FBN3: variants seen among roughly 807,000 people sequenced by gnomAD.
FBN3 encodes the protein fibrillin-3.
FBN3 carries 234 observed loss-of-function variants against 330.1 expected under a neutral mutation model. That is an observed-to-expected ratio of 0.71 (90% CI 0.64 to 0.79). FBN3 has a LOEUF of 0.79. Ranked by LOEUF, FBN3 falls within the 30% of genes least tolerant of loss-of-function variation. The probability of loss-of-function intolerance (pLI) is 0.00; values close to 1 mark genes in which losing one functional copy is unlikely to be tolerated. For missense variants in FBN3, 3,606 were observed against 3,886.9 expected, an observed-to-expected ratio of 0.93 and a Z score of 1.92; for synonymous variants, 1,458 against 1,517.3, an observed-to-expected ratio of 0.96 and a Z score of 0.91.
Position 8,075,205 on chromosome 19 carries a change from G to A in FBN3, c.7583-15C>T, listed in dbSNP as rs922967358. 6.4e-7 allele frequency: 1 copy of A among 1,569,266 alleles called. No homozygotes were observed. The highest frequency in any genetic ancestry group is 2.3e-5 in the East Asian group (1 of 44,170). On this transcript the variant is annotated splice_polypyrimidine_tract_variant and intron_variant, in intron 60 of 63. Coordinates refer to ENST00000600128, the MANE Select transcript of FBN3 (RefSeq NM_032447.5). ...TTCATTCACATCTGAGACATAGAGA[G>A]AGGGAGAGAGGGTTTACCAGACGGC...
intron 48 of FBN3, 66 bp from the exon 49 acceptor site, chr19:8,090,317 C>T: frequency 6.3e-7 from 1 of 1,575,972 alleles, no homozygotes; most frequent in Non-Finnish European, 8.7e-7. Context: ...CCCCTGTGAC[C>T]TCCCGCACCC....
chr19:8,117,446 AG>A lies in FBN3; in HGVS notation c.3463+17del. On this transcript the variant is annotated intron_variant, in intron 27 of 63. Transcript: ENST00000600128. ...CTGTGGTTGGTGCCCAGGGGCCAGCAGGTGGGCACAGTCTCACCCACGCAGC... is the reference window on the plus strand; with the variant it reads ...CTGTGGTTGGTGCCCAGGGGCCAGCAGTGGGCACAGTCTCACCCACGCAGC... The A allele has an allele frequency of 6.4e-7, 1 of 1,560,156 alleles. No homozygotes were observed. The highest frequency in any genetic ancestry group is 1.2e-5 in the South Asian group (1 of 84,570).
Position 8,119,038 on chromosome 19 carries a change from GA to G in FBN3, c.3212-17del. On this transcript the variant is annotated splice_polypyrimidine_tract_variant and intron_variant, in intron 25 of 63. Transcript: ENST00000600128. ...TCGTCCACGTCTGAAGGTTTGTGTG[GA>G]AAGAGAGAGCAGGCATGAAGGTGCT... 6.3e-7 allele frequency: 1 copy of G among 1,587,012 alleles called. No homozygotes were observed. Among genetic ancestry groups the G allele is most frequent in the Non-Finnish European group, 8.6e-7 (1 of 1,159,440 alleles).
At chr19:8,099,276 A>ATTT (rs386388494) in intron 41 of FBN3, among the ~76,000 whole-genome samples, 1,082 of 98,788 alleles carry the variant, frequency 0.011, 22 homozygotes, top group Non-Finnish European at 0.013. Context: ...TCATGGTTTG[A>ATTT]TTTTTTTTTT....
At chr19:8,081,569 C>G (rs2081785941) in intron 57 of FBN3, 89 bp from the exon 58 acceptor site, 1 of 1,380,268 alleles carries the variant, frequency 7.2e-7, no homozygotes. Flanking sequence ...CAGACCCCGA[C>G]CATCTGAAAT....
At chr19:8,079,414 C>T (rs1240594768) in intron 59 of FBN3, among the ~76,000 whole-genome samples, 1 of 117,034 alleles carries the variant, frequency 8.5e-6, no homozygotes, top group Non-Finnish European at 1.7e-5. Context: ...AAGACTCCAT[C>T]TCTAAAACAA....
Position 8,096,736 on chromosome 19 carries a change from T to A in FBN3, c.5413+145A>T, listed in dbSNP as rs2082217598. ...GACCTGAGCTCTCACCTCTATCACA[T>A]CCTATTAACAGACACTCTCAATACA... On this transcript the variant is annotated intron_variant, in intron 43 of 63. Coordinates refer to ENST00000600128, the MANE Select transcript of FBN3 (RefSeq NM_032447.5). This position sits in a 1 kb window ranked among gnomAD's most constrained non-coding sequence, Gnocchi z 4.6. 1.3e-5 allele frequency: 17 copies of A among 1,277,500 alleles called. No individual in the cohort carries two copies. The highest frequency in any genetic ancestry group is 1.8e-5 in the Non-Finnish European group (17 of 921,680). 79.1% of individuals were successfully genotyped at this position (1,277,500 alleles called of 1,614,324 possible).
intron 40 of FBN3, among the ~76,000 whole-genome samples, chr19:8,101,379 T>C (rs932888565): frequency 6.6e-6 from 1 of 152,204 alleles, no homozygotes; most frequent in African/African-American, 2.4e-5. Context: ...TTCCCATCAC[T>C]GTCCCATTCC....
intron 13 of FBN3, 107 bp from the exon 14 acceptor site, chr19:8,133,213 T>C: frequency 4.4e-6 from 6 of 1,348,894 alleles, no homozygotes; most frequent in Non-Finnish European, 5.9e-6. Flanking sequence ...CCCTGGAGTG[T>C]GGGAGGCAAA....
chr19:8,097,029 G>A, intron 42 of FBN3, 23 bp from the exon 43 acceptor site: 3 of 1,607,452 alleles, frequency 1.9e-6, no homozygotes, highest in Non-Finnish European at 8.5e-7. Flanking sequence ...AGCAAATGAG[G>A]TGGGGGTGAC....
intron 18 of FBN3, among the ~76,000 whole-genome samples, chr19:8,128,229 C>T (rs2083040944): frequency 6.6e-6 from 1 of 152,060 alleles, no homozygotes; most frequent in Non-Finnish European, 1.5e-5. Context: ...TGAGTGTGTA[C>T]AACCATGTGT....
At position 8,065,729 on chromosome 19, in the gene FBN3, CT is replaced by C. The variant is rs2145316292; in HGVS notation, c.*189del. ...GCTGTCTCCAGGAAAGACTGAGTAA[CT>C]GGGGGGCCCCCGGGGCTGGCACAGA... On this transcript the variant is annotated 3_prime_UTR_variant, in exon 64 of 64. Transcript: ENST00000600128. 1 of 578,432 alleles carries C rather than the reference CT, an allele frequency of 1.7e-6. No homozygotes were observed. The highest frequency in any genetic ancestry group is 2.9e-5 in the East Asian group (1 of 34,302). The allele number at this position is 578,432 out of a possible 1,614,324, so 35.8% of individuals were successfully genotyped here. A position where few individuals can be genotyped will look rare whatever the true frequency, so the allele number is the denominator to read the frequency against.
At chr19:8,104,586 A>G (rs1015094456) in intron 38 of FBN3, among the ~76,000 whole-genome samples, 1 of 152,178 alleles carries the variant, frequency 6.6e-6, no homozygotes, top group Non-Finnish European at 1.5e-5. Flanking sequence ...AGGATCATCC[A>G]TGTCTTCCTA....
intron 5 of FBN3, among the ~76,000 whole-genome samples, 159 bp downstream of exon 5, chr19:8,145,680 CAAAA>C (rs56250248): frequency 3.0e-4 from 33 of 108,698 alleles, no homozygotes; most frequent in Middle Eastern, 4.6e-3. Context: ...GACTCTGTCT[CAAAA>C]AAAAAAAAAA....
At chr19:8,140,959 G>A (rs1027630162) in intron 8 of FBN3, among the ~76,000 whole-genome samples, 7 of 152,020 alleles carry the variant, frequency 4.6e-5, no homozygotes, top group Admixed American at 1.3e-4. Flanking sequence ...TTGGGAGGCC[G>A]AGGCGGGCGG....
At chr19:8,126,188 T>C in intron 21 of FBN3, 109 bp downstream of exon 21, 1 of 1,432,552 alleles carries the variant, frequency 7.0e-7, no homozygotes, top group Admixed American at 2.0e-5. Flanking sequence ...TCTGTCCCCA[T>C]CGCAAAAGAC....
intron 5 of FBN3, among the ~76,000 whole-genome samples, chr19:8,145,497 A>G (rs1303467930): frequency 1.3e-5 from 2 of 151,638 alleles, no homozygotes; most frequent in Admixed American, 6.6e-5. Context: ...TGGCTAACAC[A>G]GTGAAACCCC....
In FBN3 at chr19:8,136,829, C is replaced by T. The variant is rs984440037; in HGVS notation, c.1202-298G>A. Among the ~76,000 whole-genome samples the T allele has an allele frequency of 9.4e-5, 14 of 149,018 alleles. 1 individual carries two copies. The highest frequency in any genetic ancestry group is 3.3e-4 in the Admixed American group (5 of 14,962). The stretch of plus-strand genomic sequence containing the variant: ...CCTCCAACCTGGGGTCTAGATACCT[C>T]CAACCTGGGGCCTGGATCCCTCCAA... On this transcript the variant is annotated intron_variant, in intron 10 of 63. Transcript: ENST00000600128.
rs992439714 is a variant in FBN3, at chr19:8,087,699, C to G, written c.6619+126G>C. ...TCGGCTCACTGCAACCTCCGCCTCC[C>G]AGGTTCAAGCGATTCTCCTGTCTCT... On this transcript the variant is annotated intron_variant, in intron 53 of 63. Transcript: ENST00000600128. The G allele has an allele frequency of 8.4e-5, 68 of 807,834 alleles. 1 individual carries two copies. The Admixed American group carries it at 8.8e-4, about 11-fold the overall frequency. 50.0% of individuals were successfully genotyped at this position (807,834 alleles called of 1,614,324 possible).
Sources: gnomAD v4.1 joint callset for allele counts (sites outside exome capture counted in the v4.1 genomes callset) on GRCh38, gnomAD v4.1.1 for gene constraint, Gnocchi (gnomAD v3.1) non-coding constraint, MANE v1.5 for transcripts, NCBI Gene and HGNC (gene_info 2026-07-23, HGNC 2026-07-21) for gene names.